CHRNA3: variants seen among roughly 807,000 people sequenced by gnomAD.
CHRNA3 encodes neuronal acetylcholine receptor subunit alpha-3.
Under a neutral mutation model 41.9 loss-of-function variants are expected in CHRNA3, and 34 were observed. The observed-to-expected ratio is 0.81, with a 90% CI of 0.62 to 1.08. The LOEUF is 1.08. CHRNA3 is among the 50% of genes least tolerant of loss of function. The probability of loss-of-function intolerance (pLI) is 0.00; values close to 1 mark genes in which losing one functional copy is unlikely to be tolerated. For missense variants in CHRNA3, 542 were observed against 638.3 expected (o/e 0.85, Z 1.63); for synonymous variants, 281 against 265.2 (o/e 1.06, Z -0.58).
chr15:78,620,617 G>T, intron 1 of CHRNA3, 96 bp downstream of exon 1: 1 of 1,419,900 alleles, frequency 7.0e-7, no homozygotes, highest in Non-Finnish European at 9.1e-7. Flanking sequence ...AGCCCTCTCC[G>T]CTCGCCCGCG....
intron 5 of CHRNA3, among the ~76,000 whole-genome samples, chr15:78,598,367 A>C (rs1437474314): frequency 3.3e-5 from 5 of 152,108 alleles, no homozygotes; most frequent in Admixed American, 6.5e-5. Flanking sequence ...ATAGTGGTGC[A>C]AAAAGAGCTG....
downstream of CHRNA3, chr15:78,593,273 G>A (rs200919591): frequency 6.3e-7 from 1 of 1,588,270 alleles, no homozygotes; most frequent in Non-Finnish European, 8.6e-7. Flanking sequence ...AGGGACTGAA[G>A]TATACATTTA....
Position 78,617,007 on chromosome 15 carries a change from GC to G in CHRNA3, c.377+16del. On this transcript the variant is annotated intron_variant, in intron 4 of 5. Transcript: ENST00000326828. Reference sequence around the variant, plus strand: ...GGCTGACAGCCCTGAGAGGGCGTGGGCCCCCCAGCACCTTACTTGTTATACA... The same window carrying G: ...GGCTGACAGCCCTGAGAGGGCGTGGGCCCCCAGCACCTTACTTGTTATACA... The G allele has an allele frequency of 2.5e-6, 4 of 1,581,110 alleles. No homozygotes were observed. Among genetic ancestry groups the G allele is most frequent in the Non-Finnish European group, 2.6e-6 (3 of 1,153,152 alleles).
chr15:78,596,124 A>C lies in CHRNA3; in HGVS notation c.*480T>G. 1.0e-6 allele frequency: 1 copy of C among 985,694 alleles called. No homozygotes were observed. The allele number at this position is 985,694 out of a possible 1,614,324, so 61.1% of individuals were successfully genotyped here. A position where few individuals can be genotyped will look rare whatever the true frequency, so the allele number is the denominator to read the frequency against. Reference sequence around the variant, plus strand: ...CTGAAATGGAGGCATAGCCCTTTAGACCCAGTAAAGAACGAGAAATGCATG... The same window carrying C: ...CTGAAATGGAGGCATAGCCCTTTAGCCCCAGTAAAGAACGAGAAATGCATG... On this transcript the variant is annotated 3_prime_UTR_variant, in exon 6 of 6. Coordinates refer to ENST00000326828, the MANE Select transcript of CHRNA3 (RefSeq NM_000743.5).
intron 5 of CHRNA3, among the ~76,000 whole-genome samples, chr15:78,597,464 G>C (rs1241810881): frequency 6.6e-6 from 1 of 152,008 alleles, no homozygotes; most frequent in Non-Finnish European, 1.5e-5. Flanking sequence ...TTTAACATCT[G>C]TTCCAAAAAT....
In CHRNA3 at chr15:78,618,780, T is replaced by C. The variant is rs201989875; in HGVS notation, c.218A>G (p.Lys73Arg). Residue 73 changes from lysine to arginine, a missense_variant, in exon 2 of 6, where the codon AAG becomes AGG. Physicochemically the swap from Lys to Arg is conservative, Grantham distance 26 (BLOSUM62 2). Transcript: ENST00000326828. ...HFEVSMSQLV[K>R]VDEVNQIMET... ...CTCGTGGCTTCCAGCACTCACCACC[T>C]TCACCAGCTGAGACATGGACACCTC... is the stretch of plus-strand genomic sequence containing the variant. The C allele has an allele frequency of 1.6e-5, 26 of 1,613,942 alleles. No individual in the cohort carries two copies. The highest frequency in any genetic ancestry group is 2.2e-5 in the Non-Finnish European group (26 of 1,180,038).
intron 4 of CHRNA3, among the ~76,000 whole-genome samples, chr15:78,613,161 C>G (rs535107728): frequency 3.2e-4 from 48 of 152,136 alleles, no homozygotes; most frequent in Admixed American, 6.5e-4. Context: ...AGTCAGTGTG[C>G]CGATTCCTCA....
At chr15:78,593,421 T>C, downstream of CHRNA3, 1 of 574,582 alleles carries the variant, frequency 1.7e-6, no homozygotes. Flanking sequence ...CAGTTGGCTG[T>C]ATGACTGAAG....
intron 4 of CHRNA3, among the ~76,000 whole-genome samples, chr15:78,607,728 A>G (rs867366475): frequency 3.9e-5 from 6 of 152,334 alleles, no homozygotes; most frequent in African/African-American, 1.4e-4. Context: ...GGTGCAGGAT[A>G]GTGGGTGCAG....
downstream of CHRNA3, chr15:78,593,411 C>T (rs200561529): frequency 2.8e-4 from 181 of 638,318 alleles, no homozygotes; most frequent in Admixed American, 1.6e-3. Context: ...TCCATTTGAA[C>T]AGTTGGCTGT....
chr15:78,610,833 A>G (rs937704558), intron 4 of CHRNA3, among the ~76,000 whole-genome samples: 6 of 152,218 alleles, frequency 3.9e-5, no homozygotes, highest in Non-Finnish European at 5.9e-5. Context: ...TGCTAGCAAG[A>G]CTAATAAAGC....
In CHRNA3 at chr15:78,618,877, G is replaced by A. The variant is rs201230767; in HGVS notation, c.121C>T (p.Arg41Trp). The A allele has an allele frequency of 2.7e-5, 43 of 1,613,938 alleles. 1 individual carries two copies. The highest frequency in any genetic ancestry group is 6.7e-5 in the Admixed American group (4 of 60,032). ...ATCTCATTGTAATCTTCAAACAGCC[G>A]CTCAAATAGACGGTGCTCAGCCTCT... is the stretch of plus-strand genomic sequence containing the variant. ...ASEAEHRLFE[R>W]LFEDYNEIIR... The change falls in exon 2 of 6, where the codon CGG (arginine) becomes TGG (tryptophan). Residue 41 changes from arginine to tryptophan, a missense_variant. Arg to Trp is a moderately radical substitution (Grantham distance 101, BLOSUM62 -3). Transcript: ENST00000326828.
rs2053510395 is a variant in CHRNA3, at chr15:78,619,038, T to G, written c.83-123A>C. 5 of 1,183,018 alleles carry G rather than the reference T, an allele frequency of 4.2e-6. No individual in the cohort carries two copies. In the East Asian group the frequency reaches 1.2e-4, roughly 28 times the overall value. The allele number at this position is 1,183,018 out of a possible 1,614,324, so 73.3% of individuals were successfully genotyped here. A position where few individuals can be genotyped will look rare whatever the true frequency, so the allele number is the denominator to read the frequency against. The stretch of plus-strand genomic sequence containing the variant: ...CCTGTGGGGGGATTCTGTGGAACCC[T>G]AGACTTTCAGGCCAGTCTAACCCAG... On this transcript the variant is annotated intron_variant, in intron 1 of 5. Coordinates refer to ENST00000326828, the MANE Select transcript of CHRNA3 (RefSeq NM_000743.5).
chr15:78,593,578 T>A (rs1448503551), downstream of CHRNA3: 1 of 172,760 alleles, frequency 5.8e-6, no homozygotes, highest in Non-Finnish European at 1.2e-5. Flanking sequence ...TGCTGGAGAA[T>A]TCCAGTTGTA....
chr15:78,609,075 A>G (rs1286891684), intron 4 of CHRNA3, among the ~76,000 whole-genome samples: 15 of 152,258 alleles, frequency 9.9e-5, no homozygotes, highest in Non-Finnish European at 2.1e-4. Flanking sequence ...ATATGGGACT[A>G]TGTGAAAAGA....
intron 4 of CHRNA3, among the ~76,000 whole-genome samples, chr15:78,611,491 G>A (rs923714372): frequency 3.3e-5 from 5 of 151,734 alleles, no homozygotes; most frequent in Admixed American, 3.3e-4. Flanking sequence ...CTCAATAGAT[G>A]CAGAAAAGGC....
At chr15:78,620,455 C>A (rs2053532318) in intron 1 of CHRNA3, among the ~76,000 whole-genome samples, 1 of 150,894 alleles carries the variant, frequency 6.6e-6, no homozygotes, top group African/African-American at 2.4e-5. Context: ...ACCTCCCCAT[C>A]ACCCGGCGCG....
chr15:78,606,333 CAA>C (rs56305942), intron 4 of CHRNA3, among the ~76,000 whole-genome samples: 20,580 of 127,332 alleles, frequency 0.16, 1,750 homozygotes, highest in South Asian at 0.37. Flanking sequence ...GAAGATGTCT[CAA>C]AAAAAAAAAA....
rs772013268 is a variant in CHRNA3, at chr15:78,601,247, C to A, written c.1389+6G>T. 5 of 1,611,258 alleles carry A rather than the reference C, an allele frequency of 3.1e-6. No individual in the cohort carries two copies. The highest frequency in any genetic ancestry group is 1.1e-5 in the South Asian group (1 of 90,840). Reference sequence around the variant, plus strand: ...ATGACCAATGTAATAAAAGCCATATCCTTACCTCTTTGGCTTCATTTTGTG... The same window carrying A: ...ATGACCAATGTAATAAAAGCCATATACTTACCTCTTTGGCTTCATTTTGTG... On this transcript the variant is annotated splice_donor_region_variant and intron_variant, in intron 5 of 5. Coordinates refer to ENST00000326828, the MANE Select transcript of CHRNA3 (RefSeq NM_000743.5).
Sources: allele counts gnomAD v4.1 joint callset (sites outside exome capture counted in the v4.1 genomes callset), GRCh38; gene constraint gnomAD v4.1.1; transcripts MANE v1.5; gene names NCBI Gene and HGNC (gene_info 2026-07-23, HGNC 2026-07-21).